ENTHD1: variants seen among roughly 807,000 people sequenced by gnomAD.
ENTHD1 encodes ENTH domain containing 1.
ENTHD1 carries 23 observed loss-of-function variants against 39.1 expected under a neutral mutation model. The ratio of observed to expected loss-of-function variants is 0.59; its 90% CI spans 0.42 to 0.83. The LOEUF (loss-of-function observed/expected upper bound fraction) is 0.83, where lower values mean the gene tolerates loss of function less well. Among genes scored for constraint, ENTHD1 ranks in the 40% least tolerant of loss-of-function variants. The pLI, the probability that ENTHD1 is intolerant of heterozygous loss-of-function variation, is 0.00. For missense variants in ENTHD1, 624 were observed against 705.4 expected (o/e 0.88, Z 1.31); for synonymous variants, 230 against 258.2 (o/e 0.89, Z 1.05).
At chr22:39,844,887 T>C (rs2065974455) in intron 3 of ENTHD1, among the ~76,000 whole-genome samples, 1 of 152,130 alleles carries the variant, frequency 6.6e-6, no homozygotes. Flanking sequence ...AAGCTACAGT[T>C]TGACACTGAA....
At chr22:39,806,490 T>C (rs1474993336) in intron 5 of ENTHD1, among the ~76,000 whole-genome samples, 1 of 152,016 alleles carries the variant, frequency 6.6e-6, no homozygotes, top group South Asian at 2.1e-4. Flanking sequence ...ATGCAAAAAA[T>C]ACAAAAAGCA....
chr22:39,803,122 A>G (rs927611834), intron 5 of ENTHD1, among the ~76,000 whole-genome samples: 3 of 151,518 alleles, frequency 2.0e-5, no homozygotes, highest in Non-Finnish European at 4.4e-5. Flanking sequence ...CTCAGTCTAA[A>G]TCTCCCCACA....
At chr22:39,760,091 G>A (rs952607597) in intron 6 of ENTHD1, among the ~76,000 whole-genome samples, 1 of 151,922 alleles carries the variant, frequency 6.6e-6, no homozygotes, top group Non-Finnish European at 1.5e-5. Flanking sequence ...TTAAAAAAAA[G>A]AAAAATAATG....
intron 4 of ENTHD1, among the ~76,000 whole-genome samples, chr22:39,832,586 T>C (rs1043077638): frequency 2.6e-5 from 4 of 152,128 alleles, no homozygotes; most frequent in Non-Finnish European, 4.4e-5. Context: ...TGAGTTGTCA[T>C]GTGAAAGTGC....
At chr22:39,804,442 G>C (rs1322103522) in intron 5 of ENTHD1, among the ~76,000 whole-genome samples, 1 of 129,636 alleles carries the variant, frequency 7.7e-6, no homozygotes, top group African/African-American at 3.0e-5. Context: ...GGGTGACAAA[G>C]ACTCTGTCTC....
At chr22:39,777,644 T>C (rs2065375907) in intron 5 of ENTHD1, among the ~76,000 whole-genome samples, 1 of 152,170 alleles carries the variant, frequency 6.6e-6, no homozygotes, top group Non-Finnish European at 1.5e-5. Context: ...AACTTGCTTC[T>C]TCTATAAAGG....
At chr22:39,753,344 TTGAGCTA>T (rs1415289772) in intron 6 of ENTHD1, among the ~76,000 whole-genome samples, 7 of 152,218 alleles carry the variant, frequency 4.6e-5, no homozygotes, top group African/African-American at 7.2e-5. Flanking sequence ...AAAGAATAGT[TTGAGCTA>T]CAGATAAATA....
chr22:39,794,627 C>T (rs1169379051), intron 5 of ENTHD1, among the ~76,000 whole-genome samples: 2 of 151,910 alleles, frequency 1.3e-5, no homozygotes, highest in East Asian at 1.9e-4. Context: ...ATGGTGAAAC[C>T]CCGTCTCTAC....
In ENTHD1 at chr22:39,854,782, C is replaced by T. The variant is rs2066071809; in HGVS notation, c.592+6983G>A. The stretch of plus-strand genomic sequence containing the variant: ...TGCCTCTTTTCCCTTGCTGATTCAC[C>T]ATAAAGAAGGGAAGCACAGCTGTTT... On this transcript the variant is annotated intron_variant, in intron 3 of 6. Coordinates refer to ENST00000325157, the MANE Select transcript of ENTHD1 (RefSeq NM_152512.4). 4.6e-5 allele frequency among the ~76,000 whole-genome samples: 7 copies of T among 152,154 alleles called. No individual in the cohort carries two copies. The South Asian group carries it at 1.5e-3, about 32-fold the overall frequency.
rs781561920 is a variant in ENTHD1 at position 39,743,887 on chromosome 22, G to A, written c.1616C>T (p.Pro539Leu). The A allele has an allele frequency of 9.9e-6, 16 of 1,614,106 alleles. No homozygotes were observed. Among genetic ancestry groups the A allele is most frequent in the Non-Finnish European group, 1.4e-5 (16 of 1,180,004 alleles). ...CSGFQSTKDF[P>L]QEPEAKNSIS... ...GGAATTCTTTGCTTCAGGTTCCTGG[G>A]GGAAGTCTTTGGTTGACTGAAAACC... is the stretch of plus-strand genomic sequence containing the variant. The change falls in exon 7 of 7, where the codon CCC becomes CTC. Residue 539 changes from proline to leucine, a missense_variant. Pro to Leu is a moderately conservative substitution (Grantham distance 98). Transcript: ENST00000325157.
intron 2 of ENTHD1, among the ~76,000 whole-genome samples, chr22:39,882,878 C>T (rs1454438429): frequency 1.3e-5 from 2 of 151,712 alleles, no homozygotes; most frequent in African/African-American, 4.8e-5. Flanking sequence ...TGGCAGGTGC[C>T]TGTAGTCCCA....
chr22:39,823,565 T>A (rs991037653), intron 4 of ENTHD1, among the ~76,000 whole-genome samples: 2 of 152,110 alleles, frequency 1.3e-5, no homozygotes. Context: ...TTGCCCAGGC[T>A]GGTCTCAAAC....
intron 2 of ENTHD1, among the ~76,000 whole-genome samples, chr22:39,885,526 A>G (rs2066372565): frequency 1.3e-5 from 2 of 152,222 alleles, no homozygotes; most frequent in African/African-American, 4.8e-5. Context: ...ACCGAAAGCC[A>G]GAACTTGATA....
intron 5 of ENTHD1, among the ~76,000 whole-genome samples, chr22:39,807,913 G>GTGTA (rs1033132013): frequency 1.5e-4 from 22 of 150,438 alleles, no homozygotes; most frequent in African/African-American, 3.2e-4. Context: ...GTGTGTGTGT[G>GTGTA]TATATATATA....
intron 1 of ENTHD1, among the ~76,000 whole-genome samples, chr22:39,888,680 C>A (rs2066403304): frequency 6.6e-6 from 1 of 152,138 alleles, no homozygotes; most frequent in Non-Finnish European, 1.5e-5. Context: ...TCCACCTCAG[C>A]CTCCCAAAGT....
At chr22:39,872,761 C>A (rs1266410940) in intron 2 of ENTHD1, among the ~76,000 whole-genome samples, 1 of 151,978 alleles carries the variant, frequency 6.6e-6, no homozygotes, top group Non-Finnish European at 1.5e-5. Context: ...ATGTGAAGCA[C>A]CTCATTCCTA....
At chr22:39,816,252 C>A (rs533698036) in intron 5 of ENTHD1, among the ~76,000 whole-genome samples, 1 of 152,272 alleles carries the variant, frequency 6.6e-6, no homozygotes, top group South Asian at 2.1e-4. Flanking sequence ...AGTTAGTGAA[C>A]TGGACAGAAT....
At position 39,847,375 on chromosome 22, in the gene ENTHD1, T is replaced by TG. The variant is rs1225919163; in HGVS notation, c.593-11418dup. On this transcript the variant is annotated intron_variant, in intron 3 of 6. Transcript: ENST00000325157. ...TCACACTCTGGGGACTGTTGTGGGGTGGGGGGAGGGGGGAGGGATAGCATT... is the reference window on the plus strand; with the variant it reads ...TCACACTCTGGGGACTGTTGTGGGGTGGGGGGGAGGGGGGAGGGATAGCATT... Among the ~76,000 whole-genome samples, 128 of 43,028 alleles carry TG rather than the reference T, an allele frequency of 3.0e-3. 1 individual carries two copies. Among genetic ancestry groups the TG allele is most frequent in the African/African-American group, 0.012 (127 of 10,378 alleles). 28.2% of individuals were successfully genotyped at this position (43,028 alleles called of 152,430 possible). A position where few individuals can be genotyped will look rare whatever the true frequency, so the allele number is the denominator to read the frequency against.
Position 39,743,710 on chromosome 22 carries a change from T to G in ENTHD1, c.1793A>C (p.Gln598Pro). ...SQISQSSQVP[Q>P]SSEGSSDQI ...CTGATCTGAGCTCCCCTCAGAAGACTGGGGGACCTGGGAAGACTGGCTTAT... is the reference window on the plus strand; with the variant it reads ...CTGATCTGAGCTCCCCTCAGAAGACGGGGGGACCTGGGAAGACTGGCTTAT... Residue 598 changes from glutamine to proline, a missense_variant, in exon 7 of 7, where the codon CAG (glutamine) becomes CCG (proline). By Grantham distance (76) the Gln-to-Pro change is moderately conservative. Coordinates refer to ENST00000325157, the MANE Select transcript of ENTHD1 (RefSeq NM_152512.4). The G allele has an allele frequency of 6.2e-7, 1 of 1,613,294 alleles. No individual in the cohort carries two copies. The highest frequency in any genetic ancestry group is 8.5e-7 in the Non-Finnish European group (1 of 1,179,610).
Sources: gnomAD v4.1 joint callset for allele counts (sites outside exome capture counted in the v4.1 genomes callset) on GRCh38, gnomAD v4.1.1 for gene constraint, MANE v1.5 for transcripts, NCBI Gene and HGNC (gene_info 2026-07-23, HGNC 2026-07-21) for gene names.